OSBPL9: variants seen among roughly 807,000 people sequenced by gnomAD.
OSBPL9 encodes oxysterol-binding protein-related protein 9.
OSBPL9 carries 40 observed loss-of-function variants against 106.6 expected under a neutral mutation model. That is an observed-to-expected ratio of 0.38 (90% confidence interval 0.29 to 0.49). The LOEUF is 0.49. OSBPL9 is among the 20% of genes least tolerant of loss of function. OSBPL9 has a pLI of 0.97. For missense variants in OSBPL9, 609 were observed against 887.2 expected (o/e 0.69, Z 3.98); for synonymous variants, 269 against 295.4 (o/e 0.91, Z 0.92).
At chr1:51,533,845 C>CTTTTT in the OSBPL9 span, among the ~76,000 whole-genome samples, 30 of 116,292 alleles carry the variant, frequency 2.6e-4, no homozygotes, top group African/African-American at 4.5e-4. Flanking sequence ...TTTTTTCTTT[C>CTTTTT]TTTTTTTTTT....
chr1:51,784,074 T>C (rs763488652), intron 18 of OSBPL9, 49 bp downstream of exon 18: 3 of 1,514,978 alleles, frequency 2.0e-6, no homozygotes, highest in Admixed American at 3.3e-5. Flanking sequence ...GAGAATTTTA[T>C]GAAAATGGCT....
intron 2 of OSBPL9, among the ~76,000 whole-genome samples, chr1:51,609,973 T>C (rs1643974919): frequency 6.6e-6 from 1 of 151,804 alleles, no homozygotes; most frequent in Non-Finnish European, 1.5e-5. Flanking sequence ...GGTCTTGAAC[T>C]CCTGACCTCG....
At chr1:51,644,672 G>T (rs1050334635) in intron 1 of OSBPL9, among the ~76,000 whole-genome samples, 1 of 152,104 alleles carries the variant, frequency 6.6e-6, no homozygotes, top group Non-Finnish European at 1.5e-5. Flanking sequence ...GTGGAGATGT[G>T]CTGAGGGAGA....
chr1:51,574,534 G>A (rs1357305961), upstream of OSBPL9, among the ~76,000 whole-genome samples: 3 of 152,138 alleles, frequency 2.0e-5, no homozygotes, highest in African/African-American at 7.2e-5. Flanking sequence ...CAGAAGAATC[G>A]CTTGAACCCA....
At chr1:51,665,201 A>G (rs1570917057) in intron 2 of OSBPL9, among the ~76,000 whole-genome samples, 1 of 151,954 alleles carries the variant, frequency 6.6e-6, no homozygotes, top group African/African-American at 2.4e-5. Context: ...CTGGAGTGCA[A>G]TGGGGCAGTC....
At chr1:51,572,644 C>T (rs1645157403), upstream of OSBPL9, among the ~76,000 whole-genome samples, 1 of 152,150 alleles carries the variant, frequency 6.6e-6, no homozygotes, top group African/African-American at 2.4e-5. Context: ...GAATCAGATT[C>T]TACCTCTTGC....
intron 3 of OSBPL9, among the ~76,000 whole-genome samples, chr1:51,687,444 A>G (rs1359701950): frequency 1.3e-5 from 2 of 152,266 alleles, no homozygotes; most frequent in African/African-American, 4.8e-5. Context: ...TAAGTGCCAT[A>G]GAGACCTATG....
chr1:51,544,813 A>T, the OSBPL9 span, among the ~76,000 whole-genome samples: 1 of 150,528 alleles, frequency 6.6e-6, no homozygotes, highest in Admixed American at 6.6e-5. Flanking sequence ...TACATCCAAC[A>T]GTAAACTAAC....
intron 3 of OSBPL9, among the ~76,000 whole-genome samples, chr1:51,702,280 T>C (rs1249236976): frequency 2.1e-3 from 326 of 152,212 alleles, no homozygotes; most frequent in African/African-American, 7.1e-3. Context: ...TAAAAGTGTT[T>C]CTATTTCTCC....
In OSBPL9 at chr1:51,729,649, C is replaced by A; in HGVS notation, c.318+15570C>A. The A allele has an allele frequency of 3.2e-6, 1 of 316,132 alleles. No individual in the cohort carries two copies. The highest frequency in any genetic ancestry group is 5.4e-6 in the Non-Finnish European group (1 of 186,860). The allele number at this position is 316,132 out of a possible 1,614,324, so 19.6% of individuals were successfully genotyped here. On this transcript the variant is annotated intron_variant, in intron 4 of 23. Coordinates refer to ENST00000428468, the MANE Select transcript of OSBPL9 (RefSeq NM_024586.6). This position sits in a 1 kb window ranked among gnomAD's most constrained non-coding sequence, Gnocchi z 5.1. ...CCCTCCCGCGAGCTGCCAGCTCCCTCGGCCTCTCCACCCAAAACTGGCCCA... is the reference window on the plus strand; with the variant it reads ...CCCTCCCGCGAGCTGCCAGCTCCCTAGGCCTCTCCACCCAAAACTGGCCCA...
chr1:51,602,419 A>ATTTTTTTT (rs1357173060), intron 2 of OSBPL9, among the ~76,000 whole-genome samples: 6 of 104,660 alleles, frequency 5.7e-5, no homozygotes, highest in African/African-American at 8.2e-5. Flanking sequence ...TTTTTTTTTA[A>ATTTTTTTT]TTTTTTTTTT....
chr1:51,705,610 T>G (rs1658380461), intron 3 of OSBPL9, among the ~76,000 whole-genome samples: 1 of 151,426 alleles, frequency 6.6e-6, no homozygotes, highest in Non-Finnish European at 1.5e-5. Flanking sequence ...AGTTGGGGTT[T>G]CTCCATGTTG....
chr1:51,569,088 T>C, the OSBPL9 span, among the ~76,000 whole-genome samples: 1 of 152,166 alleles, frequency 6.6e-6, no homozygotes, highest in East Asian at 1.9e-4. Flanking sequence ...CGTGCTTAAG[T>C]AAGATCTGGA....
intron 4 of OSBPL9, among the ~76,000 whole-genome samples, chr1:51,728,471 A>G (rs1217884423): frequency 6.6e-6 from 1 of 152,160 alleles, no homozygotes; most frequent in Non-Finnish European, 1.5e-5. Flanking sequence ...GAAATGGGGA[A>G]GGTGTCTAGG....
intron 1 of OSBPL9, among the ~76,000 whole-genome samples, chr1:51,590,913 C>T (rs1255735271): frequency 1.4e-5 from 2 of 147,484 alleles, no homozygotes; most frequent in Non-Finnish European, 3.0e-5. Context: ...CCATGCCTGG[C>T]TAATTTTTTT....
chr1:51,558,075 T>G, the OSBPL9 span, among the ~76,000 whole-genome samples: 3 of 152,242 alleles, frequency 2.0e-5, no homozygotes, highest in East Asian at 5.8e-4. Flanking sequence ...GGTCAGGAGA[T>G]CAAGACCATC....
chr1:51,673,135 AAGG>A (rs1488846919), intron 3 of OSBPL9, among the ~76,000 whole-genome samples: 11 of 152,244 alleles, frequency 7.2e-5, no homozygotes, highest in African/African-American at 2.4e-4. Flanking sequence ...AGCAACCAAA[AAGG>A]AGGAGGAAAA....
intron 3 of OSBPL9, 81 bp from the exon 4 acceptor site, chr1:51,713,922 A>G: frequency 9.0e-7 from 1 of 1,111,934 alleles, no homozygotes; most frequent in East Asian, 2.6e-5. Context: ...TAGCCATCAT[A>G]GTTTTAAAAT....
intron 1 of OSBPL9, among the ~76,000 whole-genome samples, chr1:51,628,350 C>A (rs1471738926): frequency 6.6e-6 from 1 of 152,086 alleles, no homozygotes; most frequent in African/African-American, 2.4e-5. Flanking sequence ...CTTCAAGAGG[C>A]AAATGAACAA....
Sources: allele counts gnomAD v4.1 joint callset (sites outside exome capture counted in the v4.1 genomes callset), GRCh38; gene constraint gnomAD v4.1.1; non-coding constraint Gnocchi (gnomAD v3.1); transcripts MANE v1.5; gene names NCBI Gene and HGNC (gene_info 2026-07-23, HGNC 2026-07-21).